Variants in MEGF6 observed in about 807,000 individuals in gnomAD.
MEGF6 encodes the protein multiple EGF like domains 6, also known as multiple epidermal growth factor-like domains protein 6.
MEGF6 carries 184 observed loss-of-function variants against 207.1 expected under a neutral mutation model. The observed-to-expected ratio is 0.89, with a 90% confidence interval of 0.79 to 1.00. The LOEUF is 1.00. Among genes scored for constraint, MEGF6 ranks in the 50% least tolerant of loss-of-function variants. MEGF6 has a pLI of 0.00. For missense variants in MEGF6, 2,282 were observed against 2,202.9 expected, an observed-to-expected ratio of 1.04 and a Z score of -0.72; for synonymous variants, 1,038 against 910.0, an observed-to-expected ratio of 1.14 and a Z score of -2.53.
chr1:3,598,240 C>T (rs766593955), intron 2 of MEGF6, among the ~76,000 whole-genome samples: 10 of 152,192 alleles, frequency 6.6e-5, no homozygotes, highest in South Asian at 2.1e-4. Flanking sequence ...CCCAGCTTGC[C>T]GGGGCTGCTG....
intron 4 of MEGF6, among the ~76,000 whole-genome samples, chr1:3,558,702 T>A (rs1643105709): frequency 6.6e-6 from 1 of 152,228 alleles, no homozygotes; most frequent in Non-Finnish European, 1.5e-5. Flanking sequence ...TTCGGTGTGC[T>A]CTTGCGATCG....
Position 3,506,183 on chromosome 1 carries a change from T to G in MEGF6, c.1843A>C (p.Asn615His). Reference protein sequence around the residue: ...KHCRKKCNCANRGRCHRLYGA... With the variant: ...KHCRKKCNCAHRGRCHRLYGA... The stretch of plus-strand genomic sequence containing the variant: ...TAGAGGCGGTGGCACCGGCCCCGGT[T>G]GGCACAGTTGCATTTCTTGCGACAG... Residue 615 changes from asparagine to histidine, a missense_variant, in exon 15 of 37, where the codon AAC becomes CAC. Transcript: ENST00000356575. The G allele has an allele frequency of 2.5e-6, 4 of 1,601,340 alleles. No homozygotes were observed. Among genetic ancestry groups the G allele is most frequent in the Non-Finnish European group, 3.4e-6 (4 of 1,173,594 alleles).
At chr1:3,611,825 G>T (rs1488501727), upstream of MEGF6, among the ~76,000 whole-genome samples, 1 of 150,850 alleles carries the variant, frequency 6.6e-6, no homozygotes, top group African/African-American at 2.4e-5. Context: ...CTCCCTGCTC[G>T]TCTCATGCGG....
chr1:3,544,138 C>G (rs764638272), intron 4 of MEGF6, among the ~76,000 whole-genome samples: 1 of 151,756 alleles, frequency 6.6e-6, no homozygotes, highest in African/African-American at 2.4e-5. Context: ...ATTACAGGGC[C>G]CACCACCACC....
chr1:3,540,766 C>T (rs1027224492), intron 4 of MEGF6, among the ~76,000 whole-genome samples: 3 of 152,208 alleles, frequency 2.0e-5, no homozygotes, highest in Admixed American at 2.0e-4. Flanking sequence ...CTGGGGCAGT[C>T]ATCCCATTCC....
chr1:3,501,106 C>T lies in MEGF6; in HGVS notation c.2447-12G>A, dbSNP rs147420082. 147 of 1,612,620 alleles carry T rather than the reference C, an allele frequency of 9.1e-5. No individual in the cohort carries two copies. Among genetic ancestry groups the T allele is most frequent in the East Asian group, 7.1e-4 (32 of 44,868 alleles). On this transcript the variant is annotated splice_polypyrimidine_tract_variant and intron_variant, in intron 19 of 36. Transcript: ENST00000356575. ...GCCTGCTGGGCACACTACAGGCAGG[C>T]GAGAGAGGGTGAGTGGGGCCTGGCC... is the stretch of plus-strand genomic sequence containing the variant.
In MEGF6 at chr1:3,509,985, A is replaced by T. The variant is rs1262086421; in HGVS notation, c.1242T>A (p.Asp414Glu). 17 of 1,585,446 alleles carry T rather than the reference A, an allele frequency of 1.1e-5. No homozygotes were observed. The highest frequency in any genetic ancestry group is 1.4e-5 in the Non-Finnish European group (16 of 1,172,510). The change falls in exon 11 of 37, where the codon GAT becomes GAA. Residue 414 changes from aspartate to glutamate, a missense_variant. Coordinates refer to ENST00000356575, the MANE Select transcript of MEGF6 (RefSeq NM_001409.4). ...SADGCGCEDVDECASSRGGCE... is the reference protein window; with the variant it reads ...SADGCGCEDVEECASSRGGCE... ...AGCCGCCACGGCTGGAGGCGCACTC[A>T]TCCACATCTGCGGGCGACCCGGGAC...
At chr1:3,597,744 C>A (rs1644091720) in intron 2 of MEGF6, among the ~76,000 whole-genome samples, 1 of 152,172 alleles carries the variant, frequency 6.6e-6, no homozygotes, top group Non-Finnish European at 1.5e-5. Flanking sequence ...CCCCTCAGAG[C>A]CCCTGCAGGG....
intron 5 of MEGF6, among the ~76,000 whole-genome samples, chr1:3,518,516 T>G (rs1570030386): frequency 6.6e-6 from 1 of 151,946 alleles, no homozygotes; most frequent in Admixed American, 6.5e-5. Context: ...GAGTGGAGGG[T>G]GGGGCATCAG....
In MEGF6 at chr1:3,508,636, T is replaced by C. The variant is rs760840246; in HGVS notation, c.1582A>G (p.Arg528Gly). The change falls in exon 13 of 37, where the codon AGG becomes GGG. Residue 528 changes from arginine (R) to glycine (G), a missense_variant. Transcript: ENST00000356575. Reference protein sequence around the residue: ...HDCSLTCDDCRNGGTCLLGLD... With the variant: ...HDCSLTCDDCGNGGTCLLGLD... ...CCCAGGAGGCAGGTCCCTCCGTTCCTGCAGTCATCACAGGTCAAGCTGCAG... is the reference window on the plus strand; with the variant it reads ...CCCAGGAGGCAGGTCCCTCCGTTCCCGCAGTCATCACAGGTCAAGCTGCAG... 9 of 1,613,528 alleles carry C rather than the reference T, an allele frequency of 5.6e-6. No individual in the cohort carries two copies. The South Asian group carries it at 7.7e-5, about 14-fold the overall frequency.
At chr1:3,561,623 C>T (rs1480048343) in intron 4 of MEGF6, among the ~76,000 whole-genome samples, 2 of 152,164 alleles carry the variant, frequency 1.3e-5, no homozygotes, top group East Asian at 3.9e-4. Flanking sequence ...GATTCAAAGT[C>T]AGGTGCGGCT....
intron 4 of MEGF6, among the ~76,000 whole-genome samples, chr1:3,578,960 C>T (rs556059618): frequency 1.3e-5 from 2 of 152,382 alleles, no homozygotes; most frequent in East Asian, 1.9e-4. Flanking sequence ...CTGATTCATC[C>T]GATTTCCTCG....
chr1:3,550,882 T>A (rs533377769), intron 4 of MEGF6, among the ~76,000 whole-genome samples: 3 of 152,322 alleles, frequency 2.0e-5, no homozygotes, highest in East Asian at 3.9e-4. Flanking sequence ...GCTAGTCCAT[T>A]GGCAGGAGAC....
chr1:3,515,589 T>TGGCTGGCATGGAGCAGG, intron 5 of MEGF6, 62 bp from the exon 6 acceptor site: 1 of 1,578,808 alleles, frequency 6.3e-7, no homozygotes, highest in East Asian at 2.3e-5. Context: ...AGTCTGTCCC[T>TGGCTGGCATGGAGCAGG]GGCTGGCATG....
At chr1:3,602,097 G>A (rs924891936) in intron 2 of MEGF6, among the ~76,000 whole-genome samples, 1 of 152,246 alleles carries the variant, frequency 6.6e-6, no homozygotes, top group African/African-American at 2.4e-5. Context: ...TTTCACGTGT[G>A]TTGGGGAACA....
chr1:3,524,100 G>T (rs767829586), intron 5 of MEGF6, 24 bp downstream of exon 5: 2 of 1,607,308 alleles, frequency 1.2e-6, no homozygotes, highest in South Asian at 1.1e-5. Flanking sequence ...AGGAGCCCAG[G>T]CAGGGTCTCC....
At chr1:3,605,365 A>T (rs1644229660) in intron 1 of MEGF6, among the ~76,000 whole-genome samples, 1 of 151,424 alleles carries the variant, frequency 6.6e-6, no homozygotes, top group South Asian at 2.1e-4. Context: ...ACGTTCACAC[A>T]CACTCAATCA....
chr1:3,503,178 C>T (rs1201728799), intron 17 of MEGF6, among the ~76,000 whole-genome samples: 1 of 152,096 alleles, frequency 6.6e-6, no homozygotes, highest in Non-Finnish European at 1.5e-5. Context: ...TCACCAGGGC[C>T]CATCCCCAGG....
Position 3,547,797 on chromosome 1 carries a change from G to A in MEGF6, c.482-23551C>T, listed in dbSNP as rs151296723. The stretch of plus-strand genomic sequence containing the variant: ...GAATGTGGCAGTTCTCCCGGGGTGC[G>A]CCTCTGCCTGGTTCAGGCAGCAGGA... On this transcript the variant is annotated intron_variant, in intron 4 of 36. Coordinates refer to ENST00000356575, the MANE Select transcript of MEGF6 (RefSeq NM_001409.4). Among the ~76,000 whole-genome samples the A allele has an allele frequency of 5.8e-3, 888 of 152,296 alleles. 7 individuals carry two copies. Among genetic ancestry groups the A allele is most frequent in the African/African-American group, 0.021 (853 of 41,562 alleles).
Sources: gnomAD v4.1 joint callset for allele counts (sites outside exome capture counted in the v4.1 genomes callset) on GRCh38, gnomAD v4.1.1 for gene constraint, MANE v1.5 for transcripts, NCBI Gene and HGNC (gene_info 2026-07-23, HGNC 2026-07-21) for gene names.